PLXNA4: variants seen among roughly 807,000 people sequenced by gnomAD.
PLXNA4 encodes plexin-A4.
PLXNA4 carries 44 observed loss-of-function variants against 191.8 expected under a neutral mutation model. That is an observed-to-expected ratio of 0.23 (90% CI 0.18 to 0.29). PLXNA4 has a LOEUF of 0.29. Ranked by LOEUF, PLXNA4 falls within the 10% of genes least tolerant of loss-of-function variation. PLXNA4 has a pLI of 1.00. For synonymous variants in PLXNA4, 1,082 were observed against 1,009.5 expected, an observed-to-expected ratio of 1.07 and a Z score of -1.36; for missense variants, 1,800 against 2,488.8, an observed-to-expected ratio of 0.72 and a Z score of 5.89.
rs1352839087 is a variant in PLXNA4, at chr7:132,563,000, CCTT to C, written c.-87+13419_-87+13421del. ...TCCTCCTCCTTCTCCTCCTCCTCCT[CCTT>C]CTCCTCCTCTTTCTCTTCCTCTTTC... On this transcript the variant is annotated intron_variant, in intron 1 of 31. Transcript: ENST00000321063. Among the ~76,000 whole-genome samples, 8 of 109,632 alleles carry C rather than the reference CCTT, an allele frequency of 7.3e-5. 1 individual carries two copies. The highest frequency in any genetic ancestry group is 2.3e-4 in the African/African-American group (6 of 26,028). 71.9% of individuals were successfully genotyped at this position (109,632 alleles called of 152,430 possible). A position where few individuals can be genotyped will look rare whatever the true frequency, so the allele number is the denominator to read the frequency against.
intron 4 of PLXNA4, among the ~76,000 whole-genome samples, chr7:132,275,854 G>A (rs149457340): frequency 6.6e-6 from 1 of 152,284 alleles, no homozygotes; most frequent in Non-Finnish European, 1.5e-5. Flanking sequence ...TCTCTGCAGT[G>A]ACTATATTTT....
chr7:132,441,622 GA>G (rs1795703095), intron 3 of PLXNA4, among the ~76,000 whole-genome samples: 1 of 152,188 alleles, frequency 6.6e-6, no homozygotes, highest in South Asian at 2.1e-4. Flanking sequence ...AGGTAGTAAT[GA>G]ATGGAATTCT....
intron 3 of PLXNA4, among the ~76,000 whole-genome samples, chr7:132,453,888 T>C (rs118077406): frequency 0.015 from 2,230 of 152,340 alleles, 16 homozygotes; most frequent in Middle Eastern, 0.048. Context: ...TCATATCACT[T>C]TCAGTGACTA....
intron 3 of PLXNA4, among the ~76,000 whole-genome samples, chr7:132,435,329 A>C (rs946967281): frequency 6.6e-6 from 1 of 152,114 alleles, no homozygotes; most frequent in Non-Finnish European, 1.5e-5. Context: ...TGGAATCTAG[A>C]CAACATCAAG....
chr7:132,348,981 A>C (rs1803366885), intron 3 of PLXNA4, among the ~76,000 whole-genome samples: 1 of 152,090 alleles, frequency 6.6e-6, no homozygotes, highest in Non-Finnish European at 1.5e-5. Flanking sequence ...CCCAAGTCTG[A>C]GGCGCCCCTC....
intron 3 of PLXNA4, among the ~76,000 whole-genome samples, chr7:132,443,294 G>A (rs937706243): frequency 6.6e-6 from 1 of 152,128 alleles, no homozygotes; most frequent in Non-Finnish European, 1.5e-5. Context: ...CGTCCTCTGT[G>A]GGGGAACTTT....
At chr7:132,606,362 C>T (rs78828217) in intron 2 of PLXNA4, among the ~76,000 whole-genome samples, 2,888 of 152,196 alleles carry the variant, frequency 0.019, 85 homozygotes, top group African/African-American at 0.065. Flanking sequence ...GTTATGTCAG[C>T]CCCAGGAAAA....
intron 3 of PLXNA4, among the ~76,000 whole-genome samples, chr7:132,441,114 A>G (rs1795683678): frequency 6.6e-6 from 1 of 152,210 alleles, no homozygotes; most frequent in African/African-American, 2.4e-5. Context: ...GGTCCCTCCC[A>G]ATGGTAAATC....
rs369273450 is a variant in PLXNA4 at position 132,147,654 on chromosome 7, C to T, written c.4864+246G>A. On this transcript the variant is annotated intron_variant, in intron 27 of 31. Transcript: ENST00000321063. ...TGTGAGATAATAGCTATCACACAGC[C>T]TGGAAGACATTCATGAAAGTTGGCT... 3.3e-3 allele frequency among the ~76,000 whole-genome samples: 500 copies of T among 152,280 alleles called. 3 individuals carry two copies. The highest frequency in any genetic ancestry group is 0.011 in the African/African-American group (471 of 41,556).
At chr7:132,310,957 C>T (rs1801706471) in intron 3 of PLXNA4, among the ~76,000 whole-genome samples, 1 of 152,210 alleles carries the variant, frequency 6.6e-6, no homozygotes, top group African/African-American at 2.4e-5. Context: ...GGGTGCCTTT[C>T]TCCATTCACT....
chr7:132,241,101 G>A lies in PLXNA4; in HGVS notation c.1569C>T (p.Gly523=), dbSNP rs774321231. Residue 523 remains glycine (G), a synonymous_variant, in exon 5 of 32, where the codon GGC becomes GGT. Transcript: ENST00000321063. ...YQSCGECLGS[G]DPHCGWCVLH... ...GCACACACCAGCCACAGTGGGGGTC[G>A]CCTGAGCCAAGGCACTCGCCGCAGC... 1.9e-5 allele frequency: 31 copies of A among 1,612,792 alleles called. No homozygotes were observed. Among genetic ancestry groups the A allele is most frequent in the Non-Finnish European group, 2.5e-5 (30 of 1,179,220 alleles).
chr7:132,202,594 A>C (rs1797475463), intron 12 of PLXNA4, 52 bp downstream of exon 12: 2 of 1,419,804 alleles, frequency 1.4e-6, no homozygotes, highest in South Asian at 1.7e-5. Flanking sequence ...AGGGTGTGGC[A>C]CAGCAGCCTG....
At chr7:132,563,377 TCTCCTC>T (rs1270071164) in intron 1 of PLXNA4, among the ~76,000 whole-genome samples, 5 of 23,462 alleles carry the variant, frequency 2.1e-4, no homozygotes, top group Admixed American at 8.8e-4. Context: ...TCCTCCTCCT[TCTCCTC>T]CTCCTCCTCT....
chr7:132,600,417 G>A (rs1802795039), intron 2 of PLXNA4, among the ~76,000 whole-genome samples: 1 of 152,202 alleles, frequency 6.6e-6, no homozygotes, highest in Non-Finnish European at 1.5e-5. Context: ...CAGCTGGAGT[G>A]CAGTGGTGTG....
At chr7:132,240,336 C>A (rs1225563482) in intron 5 of PLXNA4, among the ~76,000 whole-genome samples, 1 of 152,208 alleles carries the variant, frequency 6.6e-6, no homozygotes, top group Non-Finnish European at 1.5e-5. Flanking sequence ...GAGCCCTATT[C>A]CTGCCCTTTG....
intron 3 of PLXNA4, among the ~76,000 whole-genome samples, chr7:132,457,808 C>T (rs942871428): frequency 6.6e-6 from 1 of 152,154 alleles, no homozygotes; most frequent in Non-Finnish European, 1.5e-5. Context: ...TTTAAAGATG[C>T]TATGCCGTTG....
At chr7:132,259,372 G>A (rs1562996385) in intron 4 of PLXNA4, among the ~76,000 whole-genome samples, 1 of 126,800 alleles carries the variant, frequency 7.9e-6, no homozygotes, top group East Asian at 2.6e-4. Flanking sequence ...GGAGACAGAG[G>A]TTGCAGTGAG....
chr7:132,213,859 G>C (rs1797880149), intron 9 of PLXNA4, among the ~76,000 whole-genome samples: 1 of 152,152 alleles, frequency 6.6e-6, no homozygotes, highest in Non-Finnish European at 1.5e-5. Context: ...AGAGCCAGGA[G>C]GCCCTGGAAT....
chr7:132,344,212 C>T (rs934298868), intron 3 of PLXNA4, among the ~76,000 whole-genome samples: 1 of 152,166 alleles, frequency 6.6e-6, no homozygotes, highest in African/African-American at 2.4e-5. Flanking sequence ...CCATGACAGC[C>T]CTATGTCAAG....
Sources: gnomAD v4.1 joint callset for allele counts (sites outside exome capture counted in the v4.1 genomes callset) on GRCh38, gnomAD v4.1.1 for gene constraint, MANE v1.5 for transcripts, NCBI Gene and HGNC (gene_info 2026-07-23, HGNC 2026-07-21) for gene names.